Variants in POLD3 observed in about 807,000 individuals in gnomAD.
POLD3 encodes DNA polymerase delta 3, accessory subunit, also known as DNA polymerase delta subunit 3.
A neutral mutation model predicts 58.2 loss-of-function variants in POLD3; 19 were observed. The ratio of observed to expected loss-of-function variants is 0.33; its 90% CI spans 0.23 to 0.48. The LOEUF (loss-of-function observed/expected upper bound fraction) is 0.48. Ranked by LOEUF, POLD3 falls within the 20% of genes least tolerant of loss-of-function variation. POLD3 has a pLI of 0.99. For missense variants in POLD3, 504 were observed against 545.5 expected, an observed-to-expected ratio of 0.92 and a Z score of 0.76; for synonymous variants, 172 against 193.5, an observed-to-expected ratio of 0.89 and a Z score of 0.92.
At chr11:74,633,440 C>T (rs117444425) in intron 9 of POLD3, among the ~76,000 whole-genome samples, 3 of 152,346 alleles carry the variant, frequency 2.0e-5, no homozygotes, top group Non-Finnish European at 4.4e-5. Context: ...TGTTCTGCTT[C>T]ACCTCTTTAG....
In POLD3 at chr11:74,642,578, A is replaced by G. The variant is rs2032941386; in HGVS notation, c.*1812A>G. 33 of 985,180 alleles carry G rather than the reference A, an allele frequency of 3.3e-5. No individual in the cohort carries two copies. The South Asian group carries it at 1.5e-3, about 45-fold the overall frequency. 61.0% of individuals were successfully genotyped at this position (985,180 alleles called of 1,614,324 possible). A position where few individuals can be genotyped will look rare whatever the true frequency, so the allele number is the denominator to read the frequency against. On this transcript the variant is annotated 3_prime_UTR_variant, in exon 12 of 12. Coordinates refer to ENST00000263681, the MANE Select transcript of POLD3 (RefSeq NM_006591.3). The stretch of plus-strand genomic sequence containing the variant: ...GTTCCATCTTGCAAGGGATAATACA[A>G]ATCCTATGATCTCTATGCCCAATAT...
intron 9 of POLD3, 45 bp downstream of exon 9, chr11:74,629,368 T>TA: frequency 1.8e-6 from 2 of 1,086,682 alleles, no homozygotes; most frequent in Middle Eastern, 2.0e-4. Context: ...CAATTTTACT[T>TA]TCAATGTTCA....
intron 2 of POLD3, among the ~76,000 whole-genome samples, chr11:74,596,995 A>T (rs186744281): frequency 4.1e-4 from 62 of 152,224 alleles, no homozygotes; most frequent in African/African-American, 1.4e-3. Context: ...TATTTCCTTT[A>T]TCCATTAATG....
At chr11:74,658,845 G>A (rs1283245810) in intron 4 of POLD3, among the ~76,000 whole-genome samples, 1 of 152,090 alleles carries the variant, frequency 6.6e-6, no homozygotes, top group Non-Finnish European at 1.5e-5. Context: ...CTGCTTTCAT[G>A]GGCTGGCATT....
chr11:74,602,974 A>C (rs1478530363), intron 2 of POLD3, among the ~76,000 whole-genome samples: 2 of 152,164 alleles, frequency 1.3e-5, no homozygotes, highest in Admixed American at 6.5e-5. Context: ...ATCACCTTAT[A>C]TAAAATAGCA....
chr11:74,635,784 G>A (rs937470695), intron 10 of POLD3, among the ~76,000 whole-genome samples: 3 of 152,158 alleles, frequency 2.0e-5, no homozygotes, highest in Non-Finnish European at 2.9e-5. Flanking sequence ...TGTGGTTTAG[G>A]GGCCATCCCT....
rs762181435 is a variant in POLD3, at chr11:74,666,527, C to T, written c.370-2250C>T. ...TCCCAGGTACTTGGGAGGCTGAGGC[C>T]GGAGAATCACCTGAACCCAGGAAGT... On this transcript the variant is annotated intron_variant, in intron 4 of 4. Transcript: ENST00000524752. Among the ~76,000 whole-genome samples the T allele has an allele frequency of 1.9e-4, 29 of 151,382 alleles. 2 individuals are homozygous for T. The highest frequency in any genetic ancestry group is 1.2e-3 in the Admixed American group (18 of 15,198).
intron 7 of POLD3, among the ~76,000 whole-genome samples, chr11:74,623,061 T>G (rs2032314408): frequency 6.6e-6 from 1 of 152,204 alleles, no homozygotes; most frequent in Non-Finnish European, 1.5e-5. Flanking sequence ...CTTGAAATAT[T>G]AAGTGAAAGA....
chr11:74,604,036 G>A (rs2031591429), intron 2 of POLD3, among the ~76,000 whole-genome samples: 1 of 152,188 alleles, frequency 6.6e-6, no homozygotes, highest in South Asian at 2.1e-4. Flanking sequence ...ATGTGAGTAA[G>A]CTGTTACATT....
chr11:74,599,391 A>G (rs1252164689), intron 2 of POLD3, among the ~76,000 whole-genome samples: 2 of 135,244 alleles, frequency 1.5e-5, no homozygotes, highest in African/African-American at 2.8e-5. Flanking sequence ...TTTTTGACGG[A>G]GTCTCGCTCT....
chr11:74,610,236 A>G (rs4944912), intron 3 of POLD3, among the ~76,000 whole-genome samples: 58,305 of 148,248 alleles, frequency 0.39, 12,469 homozygotes, highest in African/African-American at 0.56. Flanking sequence ...TTTTGAGACG[A>G]AGTCTTACTC....
In POLD3 at chr11:74,592,626, G is replaced by A; in HGVS notation, c.-33G>A. On this transcript the variant is annotated 5_prime_UTR_variant, in exon 1 of 12. Transcript: ENST00000263681. ...GGGAGCTGTGGCTGTGATTGAGAGA[G>A]GGGTTAGAGGCGGGTCCCAGCGCTG... is the stretch of plus-strand genomic sequence containing the variant. 6.2e-7 allele frequency: 1 copy of A among 1,612,510 alleles called. No homozygotes were observed. Among genetic ancestry groups the A allele is most frequent in the Non-Finnish European group, 8.5e-7 (1 of 1,179,298 alleles).
intron 7 of POLD3, 120 bp from the exon 8 acceptor site, chr11:74,625,286 CCA>C: frequency 1.5e-6 from 1 of 679,154 alleles, no homozygotes; most frequent in Non-Finnish European, 2.5e-6. Flanking sequence ...TCTGAATAGT[CCA>C]TGAGCTCCTT....
chr11:74,599,255 C>T (rs943254341), intron 2 of POLD3, among the ~76,000 whole-genome samples: 4 of 152,082 alleles, frequency 2.6e-5, no homozygotes, highest in Admixed American at 6.6e-5. Context: ...TGGTCTTGAA[C>T]GTCTGGACTC....
In POLD3 at chr11:74,640,577, C is replaced by G. The variant is rs1326625260; in HGVS notation, c.1212C>G (p.Val404=). The G allele has an allele frequency of 6.5e-7, 1 of 1,549,674 alleles. No homozygotes were observed. ...DGEGCIVTEK[V]YESESCTDSE... Reference sequence around the variant, plus strand: ...TCATCCTACCAGTGACTGAAAAAGTCTACGAGAGTGAATCCTGCACAGATA... The same window carrying G: ...TCATCCTACCAGTGACTGAAAAAGTGTACGAGAGTGAATCCTGCACAGATA... The change falls in exon 12 of 12, where the codon GTC becomes GTG. Residue 404 remains valine, a synonymous_variant. Transcript: ENST00000263681.
intron 7 of POLD3, among the ~76,000 whole-genome samples, chr11:74,624,801 G>A (rs1025964723): frequency 6.6e-6 from 1 of 152,094 alleles, no homozygotes; most frequent in African/African-American, 2.4e-5. Context: ...GTGTTACCTG[G>A]ATAAATCATT....
intron 4 of POLD3, among the ~76,000 whole-genome samples, chr11:74,659,396 C>T (rs2135199049): frequency 6.6e-6 from 1 of 152,176 alleles, no homozygotes; most frequent in African/African-American, 2.4e-5. Flanking sequence ...GAGACATTTT[C>T]CCCATGGTCT....
intron 8 of POLD3, 178 bp from the exon 9 acceptor site, chr11:74,629,039 T>G: frequency 2.2e-6 from 1 of 449,630 alleles, no homozygotes; most frequent in East Asian, 3.6e-5. Context: ...ATGAAGTGAC[T>G]TAGTTGTGGT....
At chr11:74,634,781 C>CT (rs1437591718) in intron 10 of POLD3, 86 bp downstream of exon 10, 1 of 772,728 alleles carries the variant, frequency 1.3e-6, no homozygotes, top group Non-Finnish European at 2.3e-6. Context: ...AGTTCCCTTG[C>CT]TGTATACTTC....
Sources: allele counts gnomAD v4.1 joint callset (sites outside exome capture counted in the v4.1 genomes callset), GRCh38; gene constraint gnomAD v4.1.1; transcripts MANE v1.5; gene names NCBI Gene and HGNC (gene_info 2026-07-23, HGNC 2026-07-21).